The following VPS39 variants were observed in gnomAD, a reference collection of about 807,000 sequenced individuals.
The protein encoded by VPS39 is VPS39 subunit of HOPS complex.
A neutral mutation model predicts 121.0 loss-of-function variants in VPS39; 70 were observed. The ratio of observed to expected loss-of-function variants is 0.58; its 90% CI spans 0.48 to 0.71. VPS39 has a LOEUF of 0.71. Ranked by LOEUF, VPS39 falls within the 30% of genes least tolerant of loss-of-function variation. VPS39 has a pLI of 0.00. For synonymous variants in VPS39, 378 were observed against 398.1 expected, an observed-to-expected ratio of 0.95 and a Z score of 0.60; for missense variants, 818 against 1,051.5, an observed-to-expected ratio of 0.78 and a Z score of 3.07.
chr15:42,196,123 G>A (rs988202646), intron 2 of VPS39, among the ~76,000 whole-genome samples: 1 of 152,158 alleles, frequency 6.6e-6, no homozygotes, highest in African/African-American at 2.4e-5. Context: ...GGCATATGTA[G>A]AAAGCTGAAA....
intron 2 of VPS39, chr15:42,191,990 G>C: frequency 6.7e-7 from 1 of 1,489,208 alleles, no homozygotes; most frequent in Non-Finnish European, 9.1e-7. Context: ...TTCTAACTAA[G>C]TTCTGTATCA....
At chr15:42,164,568 G>A in intron 18 of VPS39, 82 bp from the exon 19 acceptor site, 2 of 1,552,314 alleles carry the variant, frequency 1.3e-6, no homozygotes, top group Non-Finnish European at 1.7e-6. Flanking sequence ...AGGGAATGGG[G>A]TTCAAGGATG....
At chr15:42,201,058 T>C (rs2050057875) in intron 1 of VPS39, among the ~76,000 whole-genome samples, 1 of 152,176 alleles carries the variant, frequency 6.6e-6, no homozygotes, top group Non-Finnish European at 1.5e-5. Context: ...AAATAGAAAG[T>C]AAATACTAAT....
At chr15:42,178,095 A>C in intron 10 of VPS39, 123 bp downstream of exon 10, 1 of 1,353,546 alleles carries the variant, frequency 7.4e-7, no homozygotes. Flanking sequence ...CCTAGTATTC[A>C]AGGCCCTGGA....
chr15:42,170,741 A>ATTTTTT (rs869280235), intron 11 of VPS39, among the ~76,000 whole-genome samples: 1,434 of 50,468 alleles, frequency 0.028, 422 homozygotes, highest in Middle Eastern at 0.062. Flanking sequence ...ATGCTCGCAG[A>ATTTTTT]TTTTTTTTTT....
At chr15:42,188,883 T>A (rs2049760970) in intron 5 of VPS39, among the ~76,000 whole-genome samples, 1 of 152,094 alleles carries the variant, frequency 6.6e-6, no homozygotes, top group Non-Finnish European at 1.5e-5. Flanking sequence ...AGAGAATCAC[T>A]TGAGCCCGAG....
chr15:42,185,385 G>A (rs138209499), intron 7 of VPS39, among the ~76,000 whole-genome samples: 221 of 151,536 alleles, frequency 1.5e-3, no homozygotes, highest in African/African-American at 4.9e-3. Context: ...GGGTTTCACC[G>A]TGTTAGCCAG....
At chr15:42,202,993 C>T (rs28459118) in intron 1 of VPS39, among the ~76,000 whole-genome samples, 13,077 of 152,136 alleles carry the variant, frequency 0.086, 728 homozygotes, top group Non-Finnish European at 0.12. Context: ...ATGTTTCTTG[C>T]CAATAGATTT....
At chr15:42,197,872 G>T (rs748133721) in intron 2 of VPS39, among the ~76,000 whole-genome samples, 1 of 152,014 alleles carries the variant, frequency 6.6e-6, no homozygotes, top group Non-Finnish European at 1.5e-5. Flanking sequence ...TAATTCACAC[G>T]GGCCCAGGTC....
At chr15:42,188,055 C>T (rs1227545544) in intron 5 of VPS39, among the ~76,000 whole-genome samples, 199 bp from the exon 6 acceptor site, 2 of 152,148 alleles carry the variant, frequency 1.3e-5, no homozygotes, top group African/African-American at 4.8e-5. Context: ...CACTTCCTCC[C>T]GAAGGGTTGC....
rs150044506 is a variant in VPS39 at position 42,183,501 on chromosome 15, C to T, written c.718+1016G>A. ...TACCAACTGGCCCTATTTCACTGCT[C>T]TGTAATTCAGACCACCTGTATCAAG... On this transcript the variant is annotated intron_variant, in intron 8 of 24. Coordinates refer to ENST00000318006, the MANE Select transcript of VPS39 (RefSeq NM_015289.5). Among the ~76,000 whole-genome samples, 482 of 152,316 alleles carry T rather than the reference C, an allele frequency of 3.2e-3. 6 individuals are homozygous for T. The highest frequency in any genetic ancestry group is 0.011 in the African/African-American group (463 of 41,562).
At chr15:42,206,911 T>G (rs1259453968) in intron 1 of VPS39, among the ~76,000 whole-genome samples, 1 of 152,210 alleles carries the variant, frequency 6.6e-6, no homozygotes, top group Non-Finnish European at 1.5e-5. Context: ...TATTTAAATG[T>G]TTAATGAGAG....
intron 24 of VPS39, 118 bp from the exon 25 acceptor site, chr15:42,160,947 C>CT: frequency 9.9e-7 from 1 of 1,008,748 alleles, no homozygotes; most frequent in Non-Finnish European, 1.5e-6. Flanking sequence ...AGCAGCCCAC[C>CT]CAAACCTCAA....
At chr15:42,186,829 A>C (rs1323616464) in intron 7 of VPS39, among the ~76,000 whole-genome samples, 1 of 152,252 alleles carries the variant, frequency 6.6e-6, no homozygotes, top group East Asian at 1.9e-4. Context: ...GGCTTTTGAA[A>C]TTTAAAAAAA....
chr15:42,195,541 A>C (rs919405843), intron 2 of VPS39, among the ~76,000 whole-genome samples: 1 of 152,216 alleles, frequency 6.6e-6, no homozygotes, highest in African/African-American at 2.4e-5. Context: ...ACAAACAGAG[A>C]GCCAAATCAT....
At chr15:42,200,106 G>T in intron 1 of VPS39, 145 bp from the exon 2 acceptor site, 1 of 730,620 alleles carries the variant, frequency 1.4e-6, no homozygotes, top group Non-Finnish European at 2.1e-6. Flanking sequence ...CTTTTGATAG[G>T]AGGTGTTTTG....
At chr15:42,188,546 C>T (rs537652156) in intron 5 of VPS39, among the ~76,000 whole-genome samples, 1 of 152,256 alleles carries the variant, frequency 6.6e-6, no homozygotes, top group Admixed American at 6.5e-5. Context: ...TTGTCCAGGA[C>T]GAGAGTTTTT....
intron 1 of VPS39, among the ~76,000 whole-genome samples, chr15:42,201,272 C>T (rs2050062994): frequency 6.6e-6 from 1 of 152,090 alleles, no homozygotes; most frequent in African/African-American, 2.4e-5. Flanking sequence ...ACCTCCCTAG[C>T]TCAAGTGATC....
rs910562864 is a variant in VPS39 at position 42,167,520 on chromosome 15, T to G, written c.1251A>C (p.Val417=). The G allele has an allele frequency of 6.2e-7, 1 of 1,614,172 alleles. No homozygotes were observed. Among genetic ancestry groups the G allele is most frequent in the Non-Finnish European group, 8.5e-7 (1 of 1,180,030 alleles). Reference sequence around the variant, plus strand: ...GGTGATCAGAGTCATTCAGCTTCTTTACCAATTGACTTCGTTTCTGCAAAG... The same window carrying G: ...GGTGATCAGAGTCATTCAGCTTCTTGACCAATTGACTTCGTTTCTGCAAAG... ...DYLTQKRSQL[V]KKLNDSDHQS... The change falls in exon 13 of 25, where the codon GTA becomes GTC. Residue 417 remains valine (V), a synonymous_variant. Coordinates refer to ENST00000318006, the MANE Select transcript of VPS39 (RefSeq NM_015289.5).
Sources: gnomAD v4.1 joint callset for allele counts (sites outside exome capture counted in the v4.1 genomes callset) on GRCh38, gnomAD v4.1.1 for gene constraint, MANE v1.5 for transcripts, NCBI Gene and HGNC (gene_info 2026-07-23, HGNC 2026-07-21) for gene names.